KAZN: variants seen among roughly 807,000 people sequenced by gnomAD.
The protein encoded by KAZN is kazrin.
KAZN carries 40 observed loss-of-function variants against 87.4 expected under a neutral mutation model. The ratio of observed to expected loss-of-function variants is 0.46; its 90% confidence interval spans 0.36 to 0.60. The LOEUF is 0.60. Ranked by LOEUF, KAZN falls within the 20% of genes least tolerant of loss-of-function variation. The pLI, the probability that KAZN is intolerant of heterozygous loss-of-function variation, is 0.00. For synonymous variants in KAZN, 466 were observed against 458.3 expected, an observed-to-expected ratio of 1.02 and a Z score of -0.22; for missense variants, 898 against 1,073.9, an observed-to-expected ratio of 0.84 and a Z score of 2.29.
Position 15,094,681 on chromosome 1 carries a change from A to G in KAZN, c.1429-134A>G. The G allele has an allele frequency of 1.5e-6, 1 of 672,474 alleles. No individual in the cohort carries two copies. The highest frequency in any genetic ancestry group is 2.5e-6 in the Non-Finnish European group (1 of 396,868). The allele number at this position is 672,474 out of a possible 1,614,324, so 41.7% of individuals were successfully genotyped here. On this transcript the variant is annotated intron_variant, in intron 9 of 14. Transcript: ENST00000376030. The surrounding 1 kb of genome is among the most constrained non-coding windows in gnomAD (Gnocchi z 4.5). ...CCACATCAGAGTTGCAGAGGTTTCC[A>G]TGTGCCCTGACCCCACTGTATGAAA...
In KAZN at chr1:14,499,828, C is replaced by T. The variant is rs538211065; in HGVS notation, c.250-99155C>T. 3.3e-5 allele frequency among the ~76,000 whole-genome samples: 5 copies of T among 152,266 alleles called. No individual in the cohort carries two copies. In the South Asian group the frequency reaches 8.3e-4, roughly 25 times the overall value. ...TTGTCCTTGCCAGCCTGTCCTGAAACCCTCACTGAGCTTAGCGGTGTGCTC... is the reference window on the plus strand; with the variant it reads ...TTGTCCTTGCCAGCCTGTCCTGAAATCCTCACTGAGCTTAGCGGTGTGCTC... On this transcript the variant is annotated intron_variant, in intron 2 of 16. Transcript: ENST00000636203.
chr1:14,701,740 T>C (rs915058978), intron 1 of KAZN, among the ~76,000 whole-genome samples: 5 of 152,136 alleles, frequency 3.3e-5, no homozygotes, highest in African/African-American at 1.2e-4. Flanking sequence ...GAGGCTGTAG[T>C]GAGCTGTGAT....
intron 13 of KAZN, 68 bp downstream of exon 13, chr1:15,104,257 G>C: frequency 6.9e-7 from 1 of 1,438,862 alleles, no homozygotes; most frequent in East Asian, 2.5e-5. Context: ...TTTGGAAGCA[G>C]ATGGTCCAGC....
At chr1:14,833,358 T>C (rs777748799) in intron 1 of KAZN, among the ~76,000 whole-genome samples, 23 of 152,170 alleles carry the variant, frequency 1.5e-4, no homozygotes, top group Middle Eastern at 3.2e-3. Flanking sequence ...TTGACCTTTA[T>C]GCAGGAGGGC....
chr1:14,690,601 T>C (rs1487666461), intron 1 of KAZN, among the ~76,000 whole-genome samples: 1 of 152,026 alleles, frequency 6.6e-6, no homozygotes, highest in Non-Finnish European at 1.5e-5. Context: ...AAGATCACAT[T>C]CTGCTTTGGG....
rs112981654 is a variant in KAZN at position 15,073,667 on chromosome 1, G to A, written c.1222+7914G>A. Among the ~76,000 whole-genome samples the A allele has an allele frequency of 5.8e-3, 888 of 152,304 alleles. 6 individuals are homozygous for A. The highest frequency in any genetic ancestry group is 0.018 in the African/African-American group (764 of 41,564). On this transcript the variant is annotated intron_variant, in intron 8 of 14. Coordinates refer to ENST00000376030, the MANE Select transcript of KAZN (RefSeq NM_201628.3). The stretch of plus-strand genomic sequence containing the variant: ...CACTGCAGGCACAGAGAGGTTCCCC[G>A]AGTCTCCGAGAGATGCATAGCCAGG...
At chr1:14,572,078 T>G (rs928868349) in intron 2 of KAZN, among the ~76,000 whole-genome samples, 1 of 152,212 alleles carries the variant, frequency 6.6e-6, no homozygotes, top group South Asian at 2.1e-4. Context: ...CTTGCATCGT[T>G]CCCACCGCCG....
chr1:14,695,781 G>T (rs1641570126), intron 1 of KAZN, among the ~76,000 whole-genome samples: 1 of 151,880 alleles, frequency 6.6e-6, no homozygotes, highest in African/African-American at 2.4e-5. Context: ...TGGGATTACA[G>T]GCATGAGCCA....
At chr1:14,487,614 G>T (rs2148402628) in intron 2 of KAZN, among the ~76,000 whole-genome samples, 1 of 152,316 alleles carries the variant, frequency 6.6e-6, no homozygotes, top group South Asian at 2.1e-4. Flanking sequence ...AAACCCAGAG[G>T]CTTTTAAAAG....
chr1:14,414,613 CGTGTGTGTGT>C (rs35972093), intron 2 of KAZN, among the ~76,000 whole-genome samples: 5 of 150,806 alleles, frequency 3.3e-5, no homozygotes, highest in Non-Finnish European at 5.9e-5. Context: ...ATGCACATAC[CGTGTGTGTGT>C]GTGTGTATGT....
intron 2 of KAZN, among the ~76,000 whole-genome samples, chr1:14,534,776 A>C (rs766480370): frequency 3.9e-5 from 6 of 152,194 alleles, no homozygotes; most frequent in Non-Finnish European, 8.8e-5. Flanking sequence ...TAAGGGTTTT[A>C]GGCCACGGAA....
At chr1:14,028,479 A>G (rs1258058405) in intron 1 of KAZN, among the ~76,000 whole-genome samples, 1 of 152,116 alleles carries the variant, frequency 6.6e-6, no homozygotes, top group Non-Finnish European at 1.5e-5. Flanking sequence ...TCTATCACAT[A>G]CTCACCTCTG....
chr1:14,700,024 CAG>C (rs1413301852), intron 1 of KAZN, among the ~76,000 whole-genome samples: 1 of 152,034 alleles, frequency 6.6e-6, no homozygotes, highest in African/African-American at 2.4e-5. Flanking sequence ...GTTCAAGGAA[CAG>C]AGAGGAGAAC....
Position 14,769,486 on chromosome 1 carries a change from C to G in KAZN, c.226+170263C>G, listed in dbSNP as rs1644967709. Among the ~76,000 whole-genome samples, 1 of 152,152 alleles carries G rather than the reference C, an allele frequency of 6.6e-6. No individual in the cohort carries two copies. The highest frequency in any genetic ancestry group is 2.1e-4 in the South Asian group (1 of 4,832). ...TCTCGTGCCTCATTCTCCTGAGTAT[C>G]TGGGATTACAGGCGCCCACCACCAC... On this transcript the variant is annotated intron_variant, in intron 1 of 14. Coordinates refer to ENST00000376030, the MANE Select transcript of KAZN (RefSeq NM_201628.3). This position sits in a 1 kb window ranked among gnomAD's most constrained non-coding sequence, Gnocchi z 4.1.
At chr1:14,644,044 CTT>C (rs1680616051) in intron 1 of KAZN, among the ~76,000 whole-genome samples, 1 of 70,386 alleles carries the variant, frequency 1.4e-5, no homozygotes, top group African/African-American at 5.6e-5. Context: ...GAGTTTTGCT[CTT>C]TGTTGCCCTG....
intron 2 of KAZN, among the ~76,000 whole-genome samples, chr1:14,333,775 G>C (rs1255416090): frequency 6.6e-6 from 1 of 152,142 alleles, no homozygotes; most frequent in African/African-American, 2.4e-5. Context: ...TCAGTGAGGT[G>C]GTGGGATTTG....
Position 14,923,103 on chromosome 1 carries a change from C to T in KAZN, c.227-37581C>T, listed in dbSNP as rs978820594. 1.3e-5 allele frequency among the ~76,000 whole-genome samples: 2 copies of T among 152,172 alleles called. No individual in the cohort carries two copies. The highest frequency in any genetic ancestry group is 2.9e-5 in the Non-Finnish European group (2 of 68,028). On this transcript the variant is annotated intron_variant, in intron 1 of 14. Transcript: ENST00000376030. This position sits in a 1 kb window ranked among gnomAD's most constrained non-coding sequence, Gnocchi z 4.2. Reference sequence around the variant, plus strand: ...ATCTCAGGCCTGGGCCAGTGGGAGCCTCAGATTATAGAGCCAAGCCTGGGC... The same window carrying T: ...ATCTCAGGCCTGGGCCAGTGGGAGCTTCAGATTATAGAGCCAAGCCTGGGC...
chr1:15,101,741 C>T lies in KAZN; in HGVS notation c.1746C>T (p.Ile582=), dbSNP rs1473223823. ...ACCAGGTCAGCATCCTGCTGGGGAT[C>T]GAGCTGCTGTACCAAGTGAACTTCA... is the stretch of plus-strand genomic sequence containing the variant. The part of the protein sequence containing the change: ...KFHQVSILLG[I]ELLYQVNFSR... The change falls in exon 11 of 15, where the codon ATC becomes ATT. Residue 582 remains isoleucine (I), a synonymous_variant. Transcript: ENST00000376030. 3 of 1,587,908 alleles carry T rather than the reference C, an allele frequency of 1.9e-6. No individual in the cohort carries two copies. The highest frequency in any genetic ancestry group is 2.3e-5 in the East Asian group (1 of 43,522).
At chr1:13,915,540 C>G (rs115254275) in intron 1 of KAZN, among the ~76,000 whole-genome samples, 1,866 of 152,286 alleles carry the variant, frequency 0.012, 38 homozygotes, top group African/African-American at 0.042. Flanking sequence ...ATGCCAATTT[C>G]CTCCTCCTTC....
Sources: gnomAD v4.1 joint callset for allele counts (sites outside exome capture counted in the v4.1 genomes callset) on GRCh38, gnomAD v4.1.1 for gene constraint, Gnocchi (gnomAD v3.1) non-coding constraint, MANE v1.5 for transcripts, NCBI Gene and HGNC (gene_info 2026-07-23, HGNC 2026-07-21) for gene names.